Variants in TES observed in about 807,000 individuals in gnomAD.
The protein encoded by TES is testin.
In TES, 41 loss-of-function variants were observed where a neutral mutation model predicts 48.2. The observed-to-expected ratio is 0.85, with a 90% confidence interval of 0.66 to 1.10. The LOEUF is 1.10. Ranked by LOEUF, TES falls within the 50% of genes least tolerant of loss-of-function variation. The pLI, the probability that TES is intolerant of heterozygous loss-of-function variation, is 0.00. For synonymous variants in TES, 162 were observed against 174.9 expected (o/e 0.93, Z 0.58); for missense variants, 463 against 515.1 (o/e 0.90, Z 0.98).
intron 1 of TES, among the ~76,000 whole-genome samples, chr7:116,213,534 T>C (rs1481747127): frequency 6.6e-6 from 1 of 152,248 alleles, no homozygotes; most frequent in African/African-American, 2.4e-5. Flanking sequence ...ATGATACTAT[T>C]ATAAAATTCT....
chr7:116,234,385 C>A, intron 1 of TES, 149 bp from the exon 2 acceptor site: 1 of 643,522 alleles, frequency 1.6e-6, no homozygotes, highest in Non-Finnish European at 2.7e-6. Flanking sequence ...CTGCCATGTA[C>A]ATACCTGGGT....
rs192936591 is a variant in TES at position 116,245,776 on chromosome 7, A to T, written c.114-3244A>T. On this transcript the variant is annotated intron_variant, in intron 2 of 6. Coordinates refer to ENST00000358204, the MANE Select transcript of TES (RefSeq NM_015641.4). ...ATACCTGAGACTGAGTAATTTATTT[A>T]TAAAGGAAAGAGATTTAATTGACTT... Among the ~76,000 whole-genome samples, 8 of 152,298 alleles carry T rather than the reference A, an allele frequency of 5.3e-5. No homozygotes were observed. The East Asian group carries it at 1.5e-3, about 29-fold the overall frequency.
At chr7:116,247,254 A>G (rs2697058) in intron 2 of TES, among the ~76,000 whole-genome samples, 152,229 of 152,234 alleles carry the variant, frequency 1, 76,112 homozygotes, top group Middle Eastern at 1. Flanking sequence ...TAGGATTATA[A>G]TCTTTGATGG....
intron 2 of TES, among the ~76,000 whole-genome samples, chr7:116,246,694 C>G (rs180982237): frequency 2.0e-5 from 3 of 152,268 alleles, no homozygotes; most frequent in Admixed American, 6.5e-5. Context: ...CTTTCCTTTT[C>G]TCCTCCCCAG....
chr7:116,251,479 G>A (rs1252800954), intron 4 of TES: 15 of 339,172 alleles, frequency 4.4e-5, no homozygotes, highest in Non-Finnish European at 6.8e-5. Context: ...TCAGGAGATT[G>A]AGACCATCCT....
intron 1 of TES, among the ~76,000 whole-genome samples, chr7:116,218,410 T>C (rs569441763): frequency 2.0e-5 from 3 of 152,284 alleles, no homozygotes; most frequent in South Asian, 2.1e-4. Flanking sequence ...TAAAGTGATA[T>C]CATGTTTCAT....
At chr7:116,229,488 A>G (rs1475894758) in intron 1 of TES, among the ~76,000 whole-genome samples, 1 of 152,158 alleles carries the variant, frequency 6.6e-6, no homozygotes, top group Non-Finnish European at 1.5e-5. Context: ...AGAAGCCCTT[A>G]GAGTAGATGG....
chr7:116,252,584 T>A, intron 6 of TES, 108 bp downstream of exon 6: 1 of 1,534,324 alleles, frequency 6.5e-7, no homozygotes, highest in Non-Finnish European at 9.0e-7. Context: ...TCCTCCTAAG[T>A]AGAAAGCAAA....
At chr7:116,256,677 TGTAA>T (rs1262502971) in intron 6 of TES, among the ~76,000 whole-genome samples, 2 of 152,238 alleles carry the variant, frequency 1.3e-5, no homozygotes, top group African/African-American at 4.8e-5. Context: ...GTACAGGGAT[TGTAA>T]GTATTAATGT....
intron 1 of TES, among the ~76,000 whole-genome samples, chr7:116,215,444 T>C (rs1414522457): frequency 6.6e-6 from 1 of 152,200 alleles, no homozygotes. Flanking sequence ...ATGTATTCCC[T>C]TTAGTGTAAG....
chr7:116,236,107 T>C (rs1799767603), intron 2 of TES, among the ~76,000 whole-genome samples: 1 of 152,188 alleles, frequency 6.6e-6, no homozygotes, highest in African/African-American at 2.4e-5. Context: ...TTTAAAAAGG[T>C]AAAGTGACTT....
intron 2 of TES, 34 bp downstream of exon 2, chr7:116,234,653 T>G (rs760577608): frequency 6.4e-7 from 1 of 1,561,748 alleles, no homozygotes; most frequent in South Asian, 1.1e-5. Flanking sequence ...ACATTAGTAA[T>G]TTATACTTTT....
chr7:116,252,065 A>C, intron 5 of TES, 90 bp downstream of exon 5: 1 of 1,330,788 alleles, frequency 7.5e-7, no homozygotes, highest in East Asian at 2.3e-5. Flanking sequence ...TTGACCAAAC[A>C]GCAGTTGCTC....
In TES at chr7:116,210,555, C is replaced by T; in HGVS notation, c.-153C>T. 4 of 827,090 alleles carry T rather than the reference C, an allele frequency of 4.8e-6. No homozygotes were observed. The highest frequency in any genetic ancestry group is 6.6e-6 in the Non-Finnish European group (4 of 609,120). 51.2% of individuals were successfully genotyped at this position (827,090 alleles called of 1,614,324 possible). A position where few individuals can be genotyped will look rare whatever the true frequency, so the allele number is the denominator to read the frequency against. Reference sequence around the variant, plus strand: ...CGCAGGCCCGCTGCGGCGGACTGGGCGGCGGAAGTTCGACGGCGCCGGGCG... The same window carrying T: ...CGCAGGCCCGCTGCGGCGGACTGGGTGGCGGAAGTTCGACGGCGCCGGGCG... On this transcript the variant is annotated 5_prime_UTR_variant, in exon 1 of 7. Transcript: ENST00000358204.
In TES at chr7:116,249,193, A is replaced by C. The variant is rs1308824174; in HGVS notation, c.287A>C (p.Asn96Thr). ...MYKRNVMILT[N>T]PVAAKKNVSI... ...AAACGCAATGTTATGATATTGACGAATCCAGTTGCTGCCAAGAAGAATGTC... is the reference window on the plus strand; with the variant it reads ...AAACGCAATGTTATGATATTGACGACTCCAGTTGCTGCCAAGAAGAATGTC... The change falls in exon 3 of 7, where the codon AAT (asparagine) becomes ACT (threonine). Residue 96 changes from asparagine to threonine, a missense_variant. Transcript: ENST00000358204. 3 of 1,614,136 alleles carry C rather than the reference A, an allele frequency of 1.9e-6. No homozygotes were observed. The highest frequency in any genetic ancestry group is 3.3e-4 in the Middle Eastern group (2 of 6,060).
chr7:116,234,857 G>C (rs530188043), intron 2 of TES, among the ~76,000 whole-genome samples: 1 of 152,202 alleles, frequency 6.6e-6, no homozygotes, highest in Non-Finnish European at 1.5e-5. Flanking sequence ...CTGTCTTTAA[G>C]ATTTCCTTCG....
chr7:116,250,602 A>G, intron 4 of TES, 106 bp downstream of exon 4: 2 of 831,952 alleles, frequency 2.4e-6, no homozygotes, highest in Non-Finnish European at 1.7e-6. Flanking sequence ...TCCAAAAGGG[A>G]ATAAGTATGG....
Position 116,249,242 on chromosome 7 carries a change from G to A in TES, c.336G>A (p.Glu112=). ...KNVSINTVTY[E]WAPPVQNQAL... ...TCTCCATCAATACAGTTACCTATGA[G>A]TGGGCTCCTCCTGTCCAGAATCAAG... The change falls in exon 3 of 7, where the codon GAG becomes GAA. Residue 112 remains glutamate (E), a synonymous_variant. Coordinates refer to ENST00000358204, the MANE Select transcript of TES (RefSeq NM_015641.4). The A allele has an allele frequency of 1.9e-6, 3 of 1,614,038 alleles. No individual in the cohort carries two copies. Among genetic ancestry groups the A allele is most frequent in the South Asian group, 2.2e-5 (2 of 91,076 alleles).
At chr7:116,256,652 AAC>A (rs146538941) in intron 6 of TES, among the ~76,000 whole-genome samples, 1,756 of 152,342 alleles carry the variant, frequency 0.012, 32 homozygotes, top group African/African-American at 0.04. Context: ...ATATATACAT[AAC>A]ACATACTGAA....
Sources: allele counts gnomAD v4.1 joint callset (sites outside exome capture counted in the v4.1 genomes callset), GRCh38; gene constraint gnomAD v4.1.1; transcripts MANE v1.5; gene names NCBI Gene and HGNC (gene_info 2026-07-23, HGNC 2026-07-21).